Variants in TRMT9B observed in about 807,000 individuals in gnomAD.
TRMT9B encodes the protein tRNA methyltransferase 9B (putative).
In TRMT9B, 16 loss-of-function variants were observed where a neutral mutation model predicts 11.5. That is an observed-to-expected ratio of 1.39 (90% CI 0.94 to 2.11). TRMT9B has a LOEUF of 2.11. Among genes scored for constraint, TRMT9B ranks in the 30% most tolerant of loss-of-function variants. The pLI, the probability that TRMT9B is intolerant of heterozygous loss-of-function variation, is 0.00. For missense variants in TRMT9B, 941 were observed against 553.8 expected (o/e 1.70, Z -7.02); for synonymous variants, 274 against 192.4 (o/e 1.42, Z -3.51).
chr8:12,994,796 C>T (rs540606133), intron 2 of TRMT9B, among the ~76,000 whole-genome samples: 1 of 152,320 alleles, frequency 6.6e-6, no homozygotes, highest in African/African-American at 2.4e-5. Context: ...ATTCTCCTGC[C>T]TCAGCCTCCT....
intron 4 of TRMT9B, among the ~76,000 whole-genome samples, chr8:13,013,968 A>G (rs1017025399): frequency 6.6e-6 from 1 of 152,198 alleles, no homozygotes; most frequent in Non-Finnish European, 1.5e-5. Flanking sequence ...AAAAAAATAA[A>G]AACTATTTGA....
intron 1 of TRMT9B, among the ~76,000 whole-genome samples, chr8:12,970,461 C>T (rs930402145): frequency 2.6e-5 from 4 of 152,232 alleles, no homozygotes; most frequent in Non-Finnish European, 1.5e-5. Flanking sequence ...AATCCAATTT[C>T]ATGGCTTGGT....
At chr8:12,975,652 C>G (rs982140370) in intron 1 of TRMT9B, among the ~76,000 whole-genome samples, 1 of 152,076 alleles carries the variant, frequency 6.6e-6, no homozygotes, top group Admixed American at 6.5e-5. Flanking sequence ...GTCTGAGAAT[C>G]CTTTGAACCC....
chr8:13,013,815 TACA>T (rs1360969871), intron 4 of TRMT9B, among the ~76,000 whole-genome samples: 1 of 151,934 alleles, frequency 6.6e-6, no homozygotes, highest in Non-Finnish European at 1.5e-5. Flanking sequence ...CCGGGCATGG[TACA>T]AGCGCCTGTA....
At position 13,029,054 on chromosome 8, in the gene TRMT9B, C is replaced by CAT. The variant is rs113873447; in HGVS notation, c.*7021_*7022dup. ...TGTCTGTAAATATATATATAACACA[C>CAT]ATATATATATATTCCTAGACATCTA... On this transcript the variant is annotated 3_prime_UTR_variant, in exon 5 of 5. Coordinates refer to ENST00000524591, the MANE Select transcript of TRMT9B (RefSeq NM_020844.3). The CAT allele has an allele frequency of 0.018, 2,968 of 166,480 alleles. 72 individuals are homozygous for CAT. Among genetic ancestry groups the CAT allele is most frequent in the African/African-American group, 0.052 (2,134 of 41,392 alleles). The allele number at this position is 166,480 out of a possible 1,614,324, so 10.3% of individuals were successfully genotyped here. A position where few individuals can be genotyped will look rare whatever the true frequency, so the allele number is the denominator to read the frequency against.
At chr8:12,966,587 A>T (rs1464660243) in intron 1 of TRMT9B, among the ~76,000 whole-genome samples, 1 of 152,234 alleles carries the variant, frequency 6.6e-6, no homozygotes, top group African/African-American at 2.4e-5. Flanking sequence ...TCTATTGTTT[A>T]GCCATGTGGC....
At chr8:12,976,368 C>CTT (rs34578022) in intron 1 of TRMT9B, among the ~76,000 whole-genome samples, 66 of 149,520 alleles carry the variant, frequency 4.4e-4, no homozygotes, top group South Asian at 8.5e-4. Context: ...TTATGCTTTA[C>CTT]TTTTTTTTTT....
intron 2 of TRMT9B, among the ~76,000 whole-genome samples, chr8:12,999,513 C>A (rs1809008090): frequency 6.6e-6 from 1 of 151,938 alleles, no homozygotes; most frequent in South Asian, 2.1e-4. Flanking sequence ...GTCAATTATA[C>A]CTAAATAAAA....
chr8:12,961,752 T>TG (rs1261464053), intron 1 of TRMT9B: 1 of 149,440 alleles, frequency 6.7e-6, no homozygotes, highest in African/African-American at 2.5e-5. Context: ...GGGATCCAAG[T>TG]GATGGCAGGT....
chr8:13,012,938 C>T lies in TRMT9B; in HGVS notation c.328+81C>T, dbSNP rs191623810. The T allele has an allele frequency of 5.3e-4, 776 of 1,466,178 alleles. 3 individuals are homozygous for T. The African/African-American group carries it at 9.4e-3, about 18-fold the overall frequency. The allele number at this position is 1,466,178 out of a possible 1,614,324, so 90.8% of individuals were successfully genotyped here. On this transcript the variant is annotated intron_variant, in intron 4 of 4. Coordinates refer to ENST00000524591, the MANE Select transcript of TRMT9B (RefSeq NM_020844.3). ...TAGTCCGTTCTCATGACTCAACATC[C>T]GTTCTGTGTAGAAATGTCAATGTAA... is the stretch of plus-strand genomic sequence containing the variant.
chr8:13,020,993 T>G lies in TRMT9B; in HGVS notation c.329-15T>G. On this transcript the variant is annotated splice_polypyrimidine_tract_variant and intron_variant, in intron 4 of 4. Transcript: ENST00000524591. Reference sequence around the variant, plus strand: ...TGTGTGCATACACACTGAGATCTAGTTTTGTCTTTTTCAGTCATACATCAT... The same window carrying G: ...TGTGTGCATACACACTGAGATCTAGGTTTGTCTTTTTCAGTCATACATCAT... 1 of 1,502,946 alleles carries G rather than the reference T, an allele frequency of 6.7e-7. No homozygotes were observed. The highest frequency in any genetic ancestry group is 8.9e-7 in the Non-Finnish European group (1 of 1,119,474). 93.1% of individuals were successfully genotyped at this position (1,502,946 alleles called of 1,614,324 possible).
At position 12,990,861 on chromosome 8, in the gene TRMT9B, C is replaced by G. The variant is rs1313271431; in HGVS notation, c.-172C>G. 13 of 1,289,472 alleles carry G rather than the reference C, an allele frequency of 1.0e-5. No homozygotes were observed. Among genetic ancestry groups the G allele is most frequent in the South Asian group, 7.4e-5 (6 of 80,964 alleles). 79.9% of individuals were successfully genotyped at this position (1,289,472 alleles called of 1,614,324 possible). ...CCTGTGCTTCCTTCAGAGACTCACA[C>G]AAGAGGTTTATCATGAGAAGGACCG... On this transcript the variant is annotated 5_prime_UTR_variant, in exon 2 of 5. Coordinates refer to ENST00000524591, the MANE Select transcript of TRMT9B (RefSeq NM_020844.3).
chr8:12,960,864 T>C (rs2954193), intron 1 of TRMT9B, among the ~76,000 whole-genome samples: 128,878 of 152,230 alleles, frequency 0.85, 54,640 homozygotes, highest in Middle Eastern at 0.9. Flanking sequence ...AAAACTGGGC[T>C]GGGCGCGGTG....
At chr8:12,952,098 G>C (rs1162611011) in intron 1 of TRMT9B, 1 of 426,642 alleles carries the variant, frequency 2.3e-6, no homozygotes, top group Admixed American at 2.5e-5. Context: ...TGCAGCCCTC[G>C]GCTCTGATGC....
Position 12,991,675 on chromosome 8 carries a change from G to C in TRMT9B, c.-2+644G>C, listed in dbSNP as rs1160022769. On this transcript the variant is annotated intron_variant, in intron 2 of 4. Transcript: ENST00000524591. ...TGGCTGGGCGCATTGGCTCATGCCT[G>C]TAATTCCAGCACTTTGGGAGGCCGA... Among the ~76,000 whole-genome samples the C allele has an allele frequency of 2.0e-5, 3 of 152,176 alleles. No individual in the cohort carries two copies. The East Asian group carries it at 5.8e-4, about 29-fold the overall frequency.
At chr8:12,968,416 T>G (rs1803124047) in intron 1 of TRMT9B, among the ~76,000 whole-genome samples, 1 of 152,244 alleles carries the variant, frequency 6.6e-6, no homozygotes, top group Non-Finnish European at 1.5e-5. Flanking sequence ...TTTCCTTTCA[T>G]AAACAGACAT....
At chr8:12,963,057 T>C (rs979679626) in intron 1 of TRMT9B, among the ~76,000 whole-genome samples, 3 of 152,110 alleles carry the variant, frequency 2.0e-5, no homozygotes, top group African/African-American at 7.2e-5. Context: ...CAAGAATAAT[T>C]GAATAACTAA....
intron 1 of TRMT9B, among the ~76,000 whole-genome samples, chr8:12,960,829 A>G (rs538232742): frequency 6.6e-6 from 1 of 152,234 alleles, no homozygotes; most frequent in Non-Finnish European, 1.5e-5. Context: ...AGAATAGGTT[A>G]AACACCAGGG....
chr8:12,975,468 A>G (rs1164436120), intron 1 of TRMT9B, among the ~76,000 whole-genome samples: 1 of 152,110 alleles, frequency 6.6e-6, no homozygotes, highest in African/African-American at 2.4e-5. Context: ...GAGGTACAGT[A>G]GCTTATGCCT....
Sources: allele counts gnomAD v4.1 joint callset (sites outside exome capture counted in the v4.1 genomes callset), GRCh38; gene constraint gnomAD v4.1.1; transcripts MANE v1.5; gene names NCBI Gene and HGNC (gene_info 2026-07-23, HGNC 2026-07-21).